Variants in MMP26 observed in about 807,000 individuals in gnomAD.
MMP26 encodes matrix metallopeptidase 26.
In MMP26, 33 loss-of-function variants were observed where a neutral mutation model predicts 31.0. The ratio of observed to expected loss-of-function variants is 1.06; its 90% CI spans 0.81 to 1.42. The LOEUF is 1.42. MMP26 is among the 40% of genes most tolerant of loss of function. The probability of loss-of-function intolerance (pLI) is 0.00; values close to 1 mark genes in which losing one functional copy is unlikely to be tolerated. For missense variants in MMP26, 347 were observed against 316.1 expected, an observed-to-expected ratio of 1.10 and a Z score of -0.74; for synonymous variants, 122 against 114.9, an observed-to-expected ratio of 1.06 and a Z score of -0.40.
chr11:4,983,141 A>G (rs932100786), intron 2 of MMP26, among the ~76,000 whole-genome samples: 4 of 152,210 alleles, frequency 2.6e-5, no homozygotes, highest in Admixed American at 2.0e-4. Context: ...TTGCAAATGC[A>G]AAATAGTTTC....
chr11:4,884,687 T>G (rs1197333069), intron 2 of MMP26, among the ~76,000 whole-genome samples: 1 of 152,164 alleles, frequency 6.6e-6, no homozygotes, highest in African/African-American at 2.4e-5. Flanking sequence ...TTGAAGACTT[T>G]TCTAAAAGTT....
chr11:4,924,259 G>T (rs775585643), intron 2 of MMP26: 3 of 1,614,178 alleles, frequency 1.9e-6, no homozygotes, highest in Non-Finnish European at 2.5e-6. Context: ...TAGAGATCCA[G>T]CCATGGAGAC....
chr11:4,708,885 C>T (rs987196773), intron 1 of MMP26, among the ~76,000 whole-genome samples: 2 of 152,158 alleles, frequency 1.3e-5, no homozygotes, highest in Non-Finnish European at 2.9e-5. Context: ...GGCAGAATAT[C>T]CTTTGAACAT....
Position 4,723,295 on chromosome 11 carries a change from T to G in MMP26, c.-217+18250T>G, listed in dbSNP as rs530825918. On this transcript the variant is annotated intron_variant, in intron 1 of 7. Coordinates refer to ENST00000380390, the MANE Select transcript of MMP26 (RefSeq NM_021801.5). ...CAGTCTTGTGCGCTGCGGGTCATCC[T>G]CCTGCTTCCCAGCCAGCATCTGCAG... 4.0e-6 allele frequency: 4 copies of G among 1,011,126 alleles called. No individual in the cohort carries two copies. The East Asian group carries it at 9.5e-5, about 24-fold the overall frequency. The allele number at this position is 1,011,126 out of a possible 1,614,324, so 62.6% of individuals were successfully genotyped here.
chr11:4,989,523 A>G, intron 3 of MMP26, 125 bp from the exon 4 acceptor site: 1 of 663,270 alleles, frequency 1.5e-6, no homozygotes, highest in Non-Finnish European at 2.6e-6. Context: ...TGAGAACAGG[A>G]GACTTAGGAA....
intron 2 of MMP26, chr11:4,915,678 A>G: frequency 1.3e-6 from 2 of 1,592,754 alleles, no homozygotes; most frequent in Non-Finnish European, 8.6e-7. Flanking sequence ...TGAGGAGACA[A>G]GGGGGAAGGT....
At chr11:4,990,877 C>A in intron 5 of MMP26, 131 bp downstream of exon 5, 1 of 865,238 alleles carries the variant, frequency 1.2e-6, no homozygotes, top group Non-Finnish European at 1.7e-6. Context: ...AACCCTACTG[C>A]AAAGCAAATC....
At chr11:4,808,581 G>A (rs1849308863) in intron 2 of MMP26, among the ~76,000 whole-genome samples, 1 of 151,980 alleles carries the variant, frequency 6.6e-6, no homozygotes, top group Admixed American at 6.6e-5. Context: ...TTTCTCCTCA[G>A]CCATGTTTCA....
intron 2 of MMP26, among the ~76,000 whole-genome samples, chr11:4,883,420 C>T (rs1205735221): frequency 1.3e-5 from 2 of 152,066 alleles, no homozygotes; most frequent in African/African-American, 4.8e-5. Context: ...GTGCTGTATC[C>T]TTACAAATAT....
chr11:4,926,445 A>C (rs1476737815), intron 2 of MMP26, among the ~76,000 whole-genome samples: 1 of 152,212 alleles, frequency 6.6e-6, no homozygotes, highest in Non-Finnish European at 1.5e-5. Flanking sequence ...ATAGCAATAA[A>C]GAAGAGAAAA....
chr11:4,924,066 T>C (rs749746588), intron 2 of MMP26: 2 of 1,614,106 alleles, frequency 1.2e-6, no homozygotes, highest in African/African-American at 1.3e-5. Context: ...CCAATCTCTC[T>C]GGTATCAAAC....
At chr11:4,809,167 C>G (rs1305552984) in intron 2 of MMP26, among the ~76,000 whole-genome samples, 1 of 152,088 alleles carries the variant, frequency 6.6e-6, no homozygotes, top group Non-Finnish European at 1.5e-5. Context: ...CCCAACACTG[C>G]TTTTAAATCT....
chr11:4,784,128 T>G (rs890110846), intron 2 of MMP26, among the ~76,000 whole-genome samples: 1 of 152,198 alleles, frequency 6.6e-6, no homozygotes, highest in Non-Finnish European at 1.5e-5. Flanking sequence ...ATTCAAAGGC[T>G]GGAGACTGAA....
chr11:4,796,142 G>A (rs890203308), intron 2 of MMP26, among the ~76,000 whole-genome samples: 27 of 152,158 alleles, frequency 1.8e-4, no homozygotes, highest in Admixed American at 5.9e-4. Context: ...AGTAGAGCCT[G>A]TCTGTTGCTC....
chr11:4,839,879 C>T, intron 2 of MMP26, among the ~76,000 whole-genome samples: 1 of 151,356 alleles, frequency 6.6e-6, no homozygotes, highest in East Asian at 2.0e-4. Context: ...TCTTGGGATC[C>T]CCCATTCCAG....
At chr11:4,760,415 T>C (rs1848557214) in intron 1 of MMP26, among the ~76,000 whole-genome samples, 1 of 152,220 alleles carries the variant, frequency 6.6e-6, no homozygotes, top group African/African-American at 2.4e-5. Context: ...ATGTACAAAG[T>C]GCATGATGAC....
chr11:4,741,753 T>C (rs1207429755), intron 1 of MMP26, among the ~76,000 whole-genome samples: 1 of 152,026 alleles, frequency 6.6e-6, no homozygotes, highest in East Asian at 1.9e-4. Flanking sequence ...TCTGCACATG[T>C]ATCCTGGAAC....
chr11:4,887,806 C>T (rs1323214536), intron 2 of MMP26, among the ~76,000 whole-genome samples: 1 of 152,070 alleles, frequency 6.6e-6, no homozygotes, highest in Non-Finnish European at 1.5e-5. Flanking sequence ...TGCAATTCCT[C>T]TGAGGAAACA....
chr11:4,812,979 A>T (rs917089782), intron 2 of MMP26, among the ~76,000 whole-genome samples: 4 of 150,082 alleles, frequency 2.7e-5, no homozygotes, highest in African/African-American at 1.0e-4. Flanking sequence ...GTATATATTT[A>T]TATGTATGTA....
Sources: allele counts gnomAD v4.1 joint callset (sites outside exome capture counted in the v4.1 genomes callset), GRCh38; gene constraint gnomAD v4.1.1; transcripts MANE v1.5; gene names NCBI Gene and HGNC (gene_info 2026-07-23, HGNC 2026-07-21).